Variants in TNKS1BP1 observed in about 807,000 individuals in gnomAD.
TNKS1BP1 encodes the protein CCR4-NOT transcription complex subunit 12, also known as 182 kDa tankyrase-1-binding protein.
TNKS1BP1 carries 48 observed loss-of-function variants against 141.1 expected under a neutral mutation model. The observed-to-expected ratio is 0.34, with a 90% CI of 0.27 to 0.43. The LOEUF is 0.43. Ranked by LOEUF, TNKS1BP1 falls within the 20% of genes least tolerant of loss-of-function variation. The pLI, the probability that TNKS1BP1 is intolerant of heterozygous loss-of-function variation, is 1.00. For missense variants in TNKS1BP1, 2,149 were observed against 2,226.0 expected (o/e 0.97, Z 0.70); for synonymous variants, 875 against 898.2 (o/e 0.97, Z 0.46).
chr11:57,324,020 G>A (rs1483229532), intron 1 of TNKS1BP1, among the ~76,000 whole-genome samples: 2 of 152,218 alleles, frequency 1.3e-5, no homozygotes, highest in Non-Finnish European at 2.9e-5. Context: ...CAGAAGCTGC[G>A]ATTCGCAGCG....
At chr11:57,314,893 C>T (rs1565044698) in intron 4 of TNKS1BP1, among the ~76,000 whole-genome samples, 1 of 152,160 alleles carries the variant, frequency 6.6e-6, no homozygotes, top group Non-Finnish European at 1.5e-5. Context: ...CTCAAGGTCC[C>T]TTCTGTTCCC....
rs143115228 is a variant in TNKS1BP1, at chr11:57,308,868, C to G, written c.3843G>C (p.Trp1281Cys). The stretch of plus-strand genomic sequence containing the variant: ...TGTTTCTCAGCCCAAGGTCAGGTGT[C>G]CAGTCTGCCTGTCCAACTCCACGCT... ...SRERGVGQADWTPDLGLRNMA... is the reference protein window; with the variant it reads ...SRERGVGQADCTPDLGLRNMA... Residue 1281 changes from tryptophan (W) to cysteine (C), a missense_variant, in exon 6 of 12, where the codon TGG (tryptophan) becomes TGC (cysteine). Coordinates refer to ENST00000358252, the MANE Select transcript of TNKS1BP1 (RefSeq NM_033396.3). The G allele has an allele frequency of 3.1e-6, 5 of 1,613,942 alleles. No individual in the cohort carries two copies. The African/African-American group carries it at 6.7e-5, about 22-fold the overall frequency.
Position 57,321,818 on chromosome 11 carries a change from T to A in TNKS1BP1, c.68A>T (p.Glu23Val), listed in dbSNP as rs1379894105. ...ASPLPREMEE[E>V]LVPTGSEPGD... ...TGGCTCAGAGCCAGTAGGCACCAGCTCCTCCTCCATCTCCCGGGGCAGTGG... is the reference window on the plus strand; with the variant it reads ...TGGCTCAGAGCCAGTAGGCACCAGCACCTCCTCCATCTCCCGGGGCAGTGG... The change falls in exon 2 of 12, where the codon GAG becomes GTG. Residue 23 changes from glutamate to valine, a missense_variant. Physicochemically the swap from Glu to Val is moderately radical, Grantham distance 121 (BLOSUM62 -2). Coordinates refer to ENST00000358252, the MANE Select transcript of TNKS1BP1 (RefSeq NM_033396.3). The A allele has an allele frequency of 6.4e-7, 1 of 1,568,700 alleles. No individual in the cohort carries two copies. The highest frequency in any genetic ancestry group is 8.7e-7 in the Non-Finnish European group (1 of 1,151,234).
In TNKS1BP1 at chr11:57,310,134, A is replaced by C. The variant is rs1057055503; in HGVS notation, c.2577T>G (p.Asp859Glu). ...CGAATTCCTGGTCCTGGAGTTCTGC[A>C]TCCCGGCTGGAGTAAGTGCCCTGGG... ...RDSQGTYSSR[D>E]AELQDQEFGK... The change falls in exon 6 of 12, where the codon GAT becomes GAG. Residue 859 changes from aspartate (D) to glutamate (E), a missense_variant. Asp to Glu is a conservative substitution (Grantham distance 45). Transcript: ENST00000358252. The C allele has an allele frequency of 6.2e-7, 1 of 1,614,006 alleles. No homozygotes were observed. The highest frequency in any genetic ancestry group is 8.5e-7 in the Non-Finnish European group (1 of 1,180,034).
chr11:57,302,378 C>T lies in TNKS1BP1; in HGVS notation c.4683+81G>A. Reference sequence around the variant, plus strand: ...CCGCTTTCTGCCTCCTGGACTGGGACTGCTCAGGGAAGCTCCAGGAATGGG... The same window carrying T: ...CCGCTTTCTGCCTCCTGGACTGGGATTGCTCAGGGAAGCTCCAGGAATGGG... On this transcript the variant is annotated intron_variant, in intron 7 of 11. Coordinates refer to ENST00000358252, the MANE Select transcript of TNKS1BP1 (RefSeq NM_033396.3). The surrounding 1 kb of genome is among the most constrained non-coding windows in gnomAD (Gnocchi z 5.5). 6.5e-7 allele frequency: 1 copy of T among 1,544,046 alleles called. No individual in the cohort carries two copies.
intron 5 of TNKS1BP1, chr11:57,311,441 GC>G: frequency 1.0e-6 from 1 of 985,728 alleles, no homozygotes. Context: ...GCTGCTACCC[GC>G]GCTGGGACCT....
In TNKS1BP1 at chr11:57,319,291, G is replaced by A. The variant is rs532598005; in HGVS notation, c.728+788C>T. Among the ~76,000 whole-genome samples, 75 of 152,194 alleles carry A rather than the reference G, an allele frequency of 4.9e-4. 1 individual carries two copies. The highest frequency in any genetic ancestry group is 1.0e-3 in the Non-Finnish European group (68 of 68,014). On this transcript the variant is annotated intron_variant, in intron 3 of 11. Coordinates refer to ENST00000358252, the MANE Select transcript of TNKS1BP1 (RefSeq NM_033396.3). ...ACTGCTCTGACCACTGTAAGAGCTG[G>A]CACTTAAGAGCAGAGGATTTGGAAT...
intron 1 of TNKS1BP1, chr11:57,322,406 C>T: frequency 1.3e-6 from 1 of 753,096 alleles, no homozygotes; most frequent in Non-Finnish European, 1.6e-6. Context: ...TCCCCCTTCC[C>T]ACTCACCCTC....
At chr11:57,300,453 A>G (rs1590572529) in intron 11 of TNKS1BP1, 75 bp downstream of exon 11, 2 of 1,363,610 alleles carry the variant, frequency 1.5e-6, no homozygotes, top group East Asian at 2.3e-5. Context: ...AAGGGACAGA[A>G]GGGGCATGAG....
At chr11:57,319,130 G>A (rs1385938997) in intron 3 of TNKS1BP1, among the ~76,000 whole-genome samples, 1 of 144,286 alleles carries the variant, frequency 6.9e-6, no homozygotes, top group African/African-American at 2.6e-5. Flanking sequence ...GGATGACAGA[G>A]CGAGACTCCG....
At position 57,320,366 on chromosome 11, in the gene TNKS1BP1, G is replaced by A. The variant is rs774151777; in HGVS notation, c.441C>T (p.Ala147=). The A allele has an allele frequency of 6.2e-6, 10 of 1,614,146 alleles. No homozygotes were observed. In the East Asian group the frequency reaches 2.0e-4, roughly 32 times the overall value. Residue 147 remains alanine (A), a synonymous_variant, in exon 3 of 12, where the codon GCC becomes GCT. Coordinates refer to ENST00000358252, the MANE Select transcript of TNKS1BP1 (RefSeq NM_033396.3). ...AAPGGVRKAP[A]PFRPASERFA... ...AGCGCTCTGAGGCTGGGCGGAAAGG[G>A]GCAGGGGCCTTCCGTACACCCCCTG...
intron 6 of TNKS1BP1, among the ~76,000 whole-genome samples, chr11:57,306,604 C>T (rs532043776): frequency 3.9e-5 from 6 of 152,228 alleles, no homozygotes; most frequent in Admixed American, 2.0e-4. Context: ...TTTGAGGAGC[C>T]GTGCTTTCTG....
intron 1 of TNKS1BP1, 162 bp from the exon 2 acceptor site, chr11:57,322,112 C>T: frequency 1.9e-6 from 2 of 1,034,704 alleles, no homozygotes; most frequent in Non-Finnish European, 2.6e-6. Flanking sequence ...AGGTTCCCAA[C>T]AGCCATATCC....
In TNKS1BP1 at chr11:57,313,938, C is replaced by T. The variant is rs762155297; in HGVS notation, c.799-49G>A. 65 of 1,431,728 alleles carry T rather than the reference C, an allele frequency of 4.5e-5. No homozygotes were observed. The African/African-American group carries it at 6.7e-4, about 15-fold the overall frequency. The allele number at this position is 1,431,728 out of a possible 1,614,324, so 88.7% of individuals were successfully genotyped here. On this transcript the variant is annotated intron_variant, in intron 4 of 11. Transcript: ENST00000358252. ...ATCCGTCACTCACCTCTCAGCGGGGCGGGGAGGGTCCCCTCCGACCCCACA... is the reference window on the plus strand; with the variant it reads ...ATCCGTCACTCACCTCTCAGCGGGGTGGGGAGGGTCCCCTCCGACCCCACA...
At position 57,320,201 on chromosome 11, in the gene TNKS1BP1, A is replaced by G. The variant is rs769339861; in HGVS notation, c.606T>C (p.Tyr202=). Residue 202 remains tyrosine, a synonymous_variant, in exon 3 of 12, where the codon TAT becomes TAC. Coordinates refer to ENST00000358252, the MANE Select transcript of TNKS1BP1 (RefSeq NM_033396.3). The part of the protein sequence containing the change: ...DGSSRYGPRT[Y]GTTTAPRDED... ...CATCCCTGGGAGCAGTGGTCGTGCC[A>G]TAGGTCCTGGGGCCATATCGCGAGC... is the stretch of plus-strand genomic sequence containing the variant. 7 of 1,614,166 alleles carry G rather than the reference A, an allele frequency of 4.3e-6. No individual in the cohort carries two copies. The highest frequency in any genetic ancestry group is 1.7e-5 in the Admixed American group (1 of 60,022).
At position 57,309,656 on chromosome 11, in the gene TNKS1BP1, G is replaced by T; in HGVS notation, c.3055C>A (p.Pro1019Thr). The T allele has an allele frequency of 6.2e-7, 1 of 1,614,144 alleles. No homozygotes were observed. The highest frequency in any genetic ancestry group is 8.5e-7 in the Non-Finnish European group (1 of 1,180,016). The change falls in exon 6 of 12, where the codon CCA (proline) becomes ACA (threonine). Residue 1019 changes from proline (P) to threonine (T), a missense_variant. By Grantham distance (38) the Pro-to-Thr change is conservative (BLOSUM62 -1). Transcript: ENST00000358252. The surrounding 1 kb of genome is among the most constrained non-coding windows in gnomAD (Gnocchi z 4.3). ...LGEGSRDAGR[P>T]GERGSGGLFS... ...AAGCCCCCGGATCCTCTCTCTCCTGGCCGGCCAGCATCCCTGCTGCCCTCT... is the reference window on the plus strand; with the variant it reads ...AAGCCCCCGGATCCTCTCTCTCCTGTCCGGCCAGCATCCCTGCTGCCCTCT...
chr11:57,304,444 C>A (rs1855576320), intron 6 of TNKS1BP1, among the ~76,000 whole-genome samples: 1 of 152,152 alleles, frequency 6.6e-6, no homozygotes, highest in African/African-American at 2.4e-5. Context: ...GCCAGCTCAC[C>A]CTGACAGCCA....
chr11:57,305,828 C>T (rs1192779058), intron 6 of TNKS1BP1, among the ~76,000 whole-genome samples: 6 of 152,272 alleles, frequency 3.9e-5, no homozygotes, highest in Admixed American at 1.3e-4. Flanking sequence ...ATCGGAGGCC[C>T]GCAGAAGAGA....
Position 57,320,519 on chromosome 11 carries a change from G to A in TNKS1BP1, c.288C>T (p.Pro96=), listed in dbSNP as rs1461310143. The stretch of plus-strand genomic sequence containing the variant: ...CCGCAGGCCTTGGTGCAAAGGGAAG[G>A]GGGCGCTTGCTGCCACCATAGGGCT... The part of the protein sequence containing the change: ...GPQPYGGSKR[P]LPFAPRPAVE... The change falls in exon 3 of 12, where the codon CCC becomes CCT. Residue 96 remains proline, a synonymous_variant. Coordinates refer to ENST00000358252, the MANE Select transcript of TNKS1BP1 (RefSeq NM_033396.3). 1.8e-5 allele frequency: 29 copies of A among 1,613,174 alleles called. No individual in the cohort carries two copies. The Admixed American group carries it at 4.7e-4, about 26-fold the overall frequency.
Sources: allele counts gnomAD v4.1 joint callset (sites outside exome capture counted in the v4.1 genomes callset), GRCh38; gene constraint gnomAD v4.1.1; non-coding constraint Gnocchi (gnomAD v3.1); transcripts MANE v1.5; gene names NCBI Gene and HGNC (gene_info 2026-07-23, HGNC 2026-07-21).